Variants in BCL2A1 observed in about 807,000 individuals in gnomAD.
BCL2A1 encodes BCL2 related protein A1, also known as bcl-2-related protein A1.
A neutral mutation model predicts 14.4 loss-of-function variants in BCL2A1; 10 were observed. That is an observed-to-expected ratio of 0.69 (90% CI 0.43 to 1.18). The LOEUF (loss-of-function observed/expected upper bound fraction) is 1.18. BCL2A1 is among the 50% of genes most tolerant of loss of function. The pLI is 0.00. For synonymous variants in BCL2A1, 71 were observed against 76.5 expected, an observed-to-expected ratio of 0.93 and a Z score of 0.38; for missense variants, 158 against 205.0, an observed-to-expected ratio of 0.77 and a Z score of 1.40.
At chr15:79,967,787 A>C in intron 1 of BCL2A1, 1 of 818,254 alleles carries the variant, frequency 1.2e-6, no homozygotes, top group East Asian at 2.7e-5. Context: ...GCCAGTTTGC[A>C]CTGACTCAAA....
intron 1 of BCL2A1, among the ~76,000 whole-genome samples, chr15:79,964,277 T>C (rs752781645): frequency 6.6e-6 from 1 of 152,066 alleles, no homozygotes; most frequent in Non-Finnish European, 1.5e-5. Context: ...ACAGTATCAA[T>C]AGTCCAAAGA....
At chr15:79,967,494 G>T in intron 1 of BCL2A1, 1 of 874,758 alleles carries the variant, frequency 1.1e-6, no homozygotes, top group Non-Finnish European at 1.7e-6. Context: ...GGGATTACAG[G>T]CATGAGCCAC....
intron 1 of BCL2A1, among the ~76,000 whole-genome samples, chr15:79,965,388 A>G (rs1596126232): frequency 6.6e-6 from 1 of 152,144 alleles, no homozygotes; most frequent in African/African-American, 2.4e-5. Flanking sequence ...CGGCCTCCCA[A>G]AGTGCTGGGA....
intron 1 of BCL2A1, among the ~76,000 whole-genome samples, chr15:79,962,840 C>A (rs2035504041): frequency 6.6e-6 from 1 of 151,802 alleles, no homozygotes. Context: ...GCCACCGCAC[C>A]CAGCATGATT....
chr15:79,967,166 G>A (rs912372315), intron 1 of BCL2A1, among the ~76,000 whole-genome samples: 1 of 151,652 alleles, frequency 6.6e-6, no homozygotes, highest in Non-Finnish European at 1.5e-5. Context: ...AATGAAGCCA[G>A]GTCTGTCTGA....
At position 79,969,361 on chromosome 15, in the gene BCL2A1, A is replaced by T. The variant is rs116216413; in HGVS notation, c.420+1339T>A. 3.5e-3 allele frequency among the ~76,000 whole-genome samples: 537 copies of T among 152,244 alleles called. 4 individuals are homozygous for T. Among genetic ancestry groups the T allele is most frequent in the African/African-American group, 0.012 (516 of 41,542 alleles). ...CATGACCCAGCATCTACAACCCAAC[A>T]TCCACCCTAGAAAACTACACACACG... On this transcript the variant is annotated intron_variant, in intron 1 of 1. Transcript: ENST00000267953.
intron 1 of BCL2A1, chr15:79,967,791 ACT>A (rs2035556591): frequency 1.3e-6 from 1 of 788,984 alleles, no homozygotes; most frequent in Non-Finnish European, 2.1e-6. Flanking sequence ...GTTTGCACTG[ACT>A]CAAAAAAGCA....
chr15:79,967,670 GGT>G, intron 1 of BCL2A1: 1 of 1,586,568 alleles, frequency 6.3e-7, no homozygotes, highest in Non-Finnish European at 8.7e-7. Context: ...TACCAGCATA[GGT>G]GTGTGATTGT....
At chr15:79,967,279 C>T (rs971346592) in intron 1 of BCL2A1, among the ~76,000 whole-genome samples, 1 of 145,134 alleles carries the variant, frequency 6.9e-6, no homozygotes, top group African/African-American at 2.6e-5. Context: ...TGGAGTGGCA[C>T]AATCCCGGCT....
chr15:79,961,865 C>A (rs921144453), intron 1 of BCL2A1, among the ~76,000 whole-genome samples: 1 of 152,100 alleles, frequency 6.6e-6, no homozygotes, highest in East Asian at 1.9e-4. Context: ...GTCAAATAAT[C>A]CTCACCAAAA....
rs2035484563 is a variant in BCL2A1 at position 79,960,952 on chromosome 15, G to C, written c.*115C>G. ...GGACAAAATTTCCATAACTCTGGAA[G>C]GTCAAGTTACATCATCAAAGTTGTT... On this transcript the variant is annotated 3_prime_UTR_variant, in exon 2 of 2. Coordinates refer to ENST00000267953, the MANE Select transcript of BCL2A1 (RefSeq NM_004049.4). The C allele has an allele frequency of 6.6e-7, 1 of 1,509,790 alleles. No individual in the cohort carries two copies. Among genetic ancestry groups the C allele is most frequent in the East Asian group, 2.3e-5 (1 of 44,110 alleles). 93.5% of individuals were successfully genotyped at this position (1,509,790 alleles called of 1,614,324 possible). A position where few individuals can be genotyped will look rare whatever the true frequency, so the allele number is the denominator to read the frequency against.
At chr15:79,966,399 A>G (rs1397701241) in intron 1 of BCL2A1, among the ~76,000 whole-genome samples, 1 of 152,154 alleles carries the variant, frequency 6.6e-6, no homozygotes, top group African/African-American at 2.4e-5. Flanking sequence ...ATCAGCAAAT[A>G]TTGTTACCTT....
At position 79,970,791 on chromosome 15, in the gene BCL2A1, G is replaced by A. The variant is rs143571009; in HGVS notation, c.329C>T (p.Pro110Leu). ...AATCTCCTTATAGGTATCCACATCC[G>A]GGGCAATTTGCTGTCGTAGAAGTTT... ...IKKLLRQQIA[P>L]DVDTYKEISY... is the part of the protein sequence containing the mutation. The change falls in exon 1 of 2, where the codon CCG becomes CTG. Residue 110 changes from proline to leucine, a missense_variant. Pro to Leu is a moderately conservative substitution (Grantham distance 98). Coordinates refer to ENST00000267953, the MANE Select transcript of BCL2A1 (RefSeq NM_004049.4). The A allele has an allele frequency of 8.5e-5, 137 of 1,614,010 alleles. No individual in the cohort carries two copies. Among genetic ancestry groups the A allele is most frequent in the Non-Finnish European group, 1.1e-4 (129 of 1,180,004 alleles).
chr15:79,968,943 A>G (rs2035569539), intron 1 of BCL2A1, among the ~76,000 whole-genome samples: 1 of 152,224 alleles, frequency 6.6e-6, no homozygotes, highest in Non-Finnish European at 1.5e-5. Flanking sequence ...AAAAATTTAA[A>G]CAATAATAAA....
At chr15:79,967,674 T>A (rs771788493) in intron 1 of BCL2A1, 3 of 1,573,460 alleles carry the variant, frequency 1.9e-6, no homozygotes, top group Non-Finnish European at 1.7e-6. Context: ...AGCATAGGTG[T>A]GTGATTGTGC....
chr15:79,968,126 A>G (rs1280926385), intron 1 of BCL2A1, among the ~76,000 whole-genome samples: 1 of 152,226 alleles, frequency 6.6e-6, no homozygotes, highest in Non-Finnish European at 1.5e-5. Context: ...AGTGAGTTCC[A>G]GGAGCTCACA....
chr15:79,968,012 G>A (rs367576631), intron 1 of BCL2A1, among the ~76,000 whole-genome samples: 169 of 151,870 alleles, frequency 1.1e-3, no homozygotes, highest in African/African-American at 3.9e-3. Flanking sequence ...ATCTACACTC[G>A]GGAGAGGTTC....
chr15:79,963,752 G>C (rs1413694154), intron 1 of BCL2A1, among the ~76,000 whole-genome samples: 1 of 152,006 alleles, frequency 6.6e-6, no homozygotes. Context: ...GAGGGTAGGG[G>C]GCACCAGAAA....
chr15:79,966,317 G>A (rs756956840), intron 1 of BCL2A1, among the ~76,000 whole-genome samples: 7 of 151,990 alleles, frequency 4.6e-5, no homozygotes, highest in Non-Finnish European at 1.0e-4. Context: ...TTTACCCAAG[G>A]TTATACCTCT....
Sources: allele counts gnomAD v4.1 joint callset (sites outside exome capture counted in the v4.1 genomes callset), GRCh38; gene constraint gnomAD v4.1.1; transcripts MANE v1.5; gene names NCBI Gene and HGNC (gene_info 2026-07-23, HGNC 2026-07-21).